The following ANKS1A variants were observed in gnomAD, a reference collection of about 807,000 sequenced individuals.
ANKS1A encodes ankyrin repeat and sterile alpha motif domain containing 1A.
Under a neutral mutation model 120.3 loss-of-function variants are expected in ANKS1A, and 55 were observed. The ratio of observed to expected loss-of-function variants is 0.46; its 90% CI spans 0.37 to 0.57. ANKS1A has a LOEUF of 0.57. Ranked by LOEUF, ANKS1A falls within the 20% of genes least tolerant of loss-of-function variation. The pLI is 0.00. For missense variants in ANKS1A, 1,123 were observed against 1,480.3 expected, an observed-to-expected ratio of 0.76 and a Z score of 3.96; for synonymous variants, 590 against 604.7, an observed-to-expected ratio of 0.98 and a Z score of 0.36.
chr6:34,982,982 C>T lies in ANKS1A; in HGVS notation c.809-131C>T. The T allele has an allele frequency of 8.1e-7, 1 of 1,240,902 alleles. No individual in the cohort carries two copies. Among genetic ancestry groups the T allele is most frequent in the South Asian group, 1.3e-5 (1 of 78,498 alleles). The allele number at this position is 1,240,902 out of a possible 1,614,324, so 76.9% of individuals were successfully genotyped here. On this transcript the variant is annotated intron_variant, in intron 5 of 23. Transcript: ENST00000360359. The surrounding 1 kb of genome is among the most constrained non-coding windows in gnomAD (Gnocchi z 4.9). ...AAGTGTGTAAACTGTTCTTGAATAG[C>T]TGGATTAAATGGCTCTGGATGAAAA...
chr6:35,085,696 G>A lies in ANKS1A; in HGVS notation c.3133-70G>A, dbSNP rs947439017. 20 of 1,480,202 alleles carry A rather than the reference G, an allele frequency of 1.4e-5. No individual in the cohort carries two copies. The highest frequency in any genetic ancestry group is 4.7e-5 in the East Asian group (2 of 42,452). The allele number at this position is 1,480,202 out of a possible 1,614,324, so 91.7% of individuals were successfully genotyped here. A position where few individuals can be genotyped will look rare whatever the true frequency, so the allele number is the denominator to read the frequency against. On this transcript the variant is annotated intron_variant, in intron 21 of 23. Transcript: ENST00000360359. The surrounding 1 kb of genome is among the most constrained non-coding windows in gnomAD (Gnocchi z 4.7). ...TTAGAGGGGGACACATGGTCCCTGC[G>A]AGGAAGGGCATATCCAGTGTGAAGC...
At chr6:35,028,796 G>A (rs1774756149) in intron 11 of ANKS1A, among the ~76,000 whole-genome samples, 1 of 152,078 alleles carries the variant, frequency 6.6e-6, no homozygotes, top group African/African-American at 2.4e-5. Flanking sequence ...AATATTCCAT[G>A]GTGTGCATAT....
chr6:35,065,730 G>A (rs1353126647), intron 13 of ANKS1A, among the ~76,000 whole-genome samples: 1 of 152,244 alleles, frequency 6.6e-6, no homozygotes, highest in Non-Finnish European at 1.5e-5. Context: ...CTGGGTGAGT[G>A]CATCACCCCT....
intron 11 of ANKS1A, among the ~76,000 whole-genome samples, chr6:35,029,693 C>T (rs959900060): frequency 1.3e-5 from 2 of 149,348 alleles, no homozygotes; most frequent in African/African-American, 2.4e-5. Context: ...TTTCCTTACT[C>T]TAAGATTACA....
intron 1 of ANKS1A, among the ~76,000 whole-genome samples, chr6:34,944,605 G>A (rs1170688251): frequency 6.6e-6 from 1 of 152,008 alleles, no homozygotes; most frequent in African/African-American, 2.4e-5. Context: ...GTATCCGTGG[G>A]GGACTGGTTC....
intron 11 of ANKS1A, among the ~76,000 whole-genome samples, chr6:35,042,327 T>G (rs1009344098): frequency 5.3e-5 from 8 of 152,194 alleles, no homozygotes; most frequent in African/African-American, 1.7e-4. Flanking sequence ...TTAGCCACCA[T>G]GTCTCCCCCC....
chr6:34,950,188 C>G (rs900991698), intron 1 of ANKS1A, among the ~76,000 whole-genome samples: 41 of 144,708 alleles, frequency 2.8e-4, no homozygotes, highest in Admixed American at 2.3e-3. Context: ...TTAAAACAAA[C>G]AAAAAAGGTA....
Position 35,079,545 on chromosome 6 carries a change from C to G in ANKS1A, c.2313C>G (p.Ser771Arg). The change falls in exon 15 of 24, where the codon AGC becomes AGG. Residue 771 changes from serine (S) to arginine (R), a missense_variant. Around this residue, in one of 3 missense-constraint regions of ANKS1A, gnomAD observed 904 missense variants for 1,130.4 expected, o/e 0.80. Coordinates refer to ENST00000360359, the MANE Select transcript of ANKS1A (RefSeq NM_015245.3). The part of the protein sequence containing the change: ...KVKALGYDGN[S>R]PPSVPSWLDS... ...AGGCTCTGGGTTATGACGGGAACAG[C>G]CCCCCTAGCGTGCCCTCCTGGCTGG... The G allele has an allele frequency of 1.2e-6, 2 of 1,613,734 alleles. No homozygotes were observed. Among genetic ancestry groups the G allele is most frequent in the Non-Finnish European group, 1.7e-6 (2 of 1,179,764 alleles).
chr6:35,078,800 C>T (rs1276443476), intron 14 of ANKS1A, 144 bp downstream of exon 14: 9 of 726,388 alleles, frequency 1.2e-5, no homozygotes, highest in South Asian at 5.3e-5. Flanking sequence ...CTAGGAGCTC[C>T]GGAAGGGCCG....
chr6:35,058,350 T>G lies in ANKS1A; in HGVS notation c.2078-1797T>G, dbSNP rs1776313976. The G allele has an allele frequency of 6.6e-6, 1 of 152,176 alleles. No individual in the cohort carries two copies. The highest frequency in any genetic ancestry group is 6.5e-5 in the Admixed American group (1 of 15,280). 9.4% of individuals were successfully genotyped at this position (152,176 alleles called of 1,614,324 possible). On this transcript the variant is annotated intron_variant, in intron 12 of 23. Transcript: ENST00000360359. The surrounding 1 kb of genome is among the most constrained non-coding windows in gnomAD (Gnocchi z 5.1). ...CTGGGGGATTACAAGCAAGAATGAA[T>G]CAGCACCCGGGGACACTTGACTTCA...
At position 35,091,135 on chromosome 6, in the gene ANKS1A, A is replaced by T; in HGVS notation, c.*2526A>T. The T allele has an allele frequency of 1.0e-6, 1 of 985,868 alleles. No individual in the cohort carries two copies. The highest frequency in any genetic ancestry group is 1.7e-5 in the African/African-American group (1 of 57,362). 61.1% of individuals were successfully genotyped at this position (985,868 alleles called of 1,614,324 possible). On this transcript the variant is annotated 3_prime_UTR_variant, in exon 24 of 24. Transcript: ENST00000360359. ...TGGCAATGGACTGAACTGTAATGAAAATGTTATTTAATCTTTGTCTCTGTA... is the reference window on the plus strand; with the variant it reads ...TGGCAATGGACTGAACTGTAATGAATATGTTATTTAATCTTTGTCTCTGTA...
At chr6:34,937,645 A>C (rs1769324656) in intron 1 of ANKS1A, among the ~76,000 whole-genome samples, 2 of 152,134 alleles carry the variant, frequency 1.3e-5, no homozygotes, top group Admixed American at 6.6e-5. Context: ...AATTTTGCTG[A>C]ATCAATGGGG....
At position 35,046,470 on chromosome 6, in the gene ANKS1A, TGAAA is replaced by T. The variant is rs1417349493; in HGVS notation, c.2011-7626_2011-7623del. ...TATTATCCTCTAAAAGATCTGATCCTGAAAGATTTTTCCAGTATTTCAGTATGAG... is the reference window on the plus strand; with the variant it reads ...TATTATCCTCTAAAAGATCTGATCCTGATTTTTCCAGTATTTCAGTATGAG... On this transcript the variant is annotated intron_variant, in intron 11 of 23. Transcript: ENST00000360359. Among the ~76,000 whole-genome samples the T allele has an allele frequency of 1.6e-4, 25 of 152,380 alleles. No individual in the cohort carries two copies. In the East Asian group the frequency reaches 4.8e-3, roughly 29 times the overall value.
chr6:34,967,584 G>GCTAC (rs1770965373), intron 2 of ANKS1A, among the ~76,000 whole-genome samples: 2 of 151,578 alleles, frequency 1.3e-5, no homozygotes, highest in African/African-American at 4.9e-5. Flanking sequence ...TGAAGTCCTA[G>GCTAC]CTACTCAGGA....
chr6:34,934,440 G>A (rs546046479), intron 1 of ANKS1A, among the ~76,000 whole-genome samples: 43 of 152,286 alleles, frequency 2.8e-4, no homozygotes, highest in African/African-American at 7.7e-4. Flanking sequence ...GAGCCACCAC[G>A]CCCAGCCACC....
intron 1 of ANKS1A, among the ~76,000 whole-genome samples, chr6:34,922,016 CTTTT>C (rs558428378): frequency 5.2e-5 from 7 of 133,588 alleles, no homozygotes; most frequent in Non-Finnish European, 4.8e-5. Context: ...AATTGACTTC[CTTTT>C]TTTTTTTTTT....
intron 1 of ANKS1A, among the ~76,000 whole-genome samples, chr6:34,914,981 G>T (rs1301950361): frequency 1.3e-5 from 2 of 152,108 alleles, no homozygotes; most frequent in Non-Finnish European, 2.9e-5. Flanking sequence ...TGAGGTGATT[G>T]TTCCACCTTG....
At chr6:34,965,646 C>T (rs1259770650) in intron 1 of ANKS1A, among the ~76,000 whole-genome samples, 2 of 152,118 alleles carry the variant, frequency 1.3e-5, no homozygotes, top group Admixed American at 6.6e-5. Context: ...CCACCGTACC[C>T]GGCCAAAATT....
At chr6:34,999,577 T>TA (rs1435214548) in intron 10 of ANKS1A, among the ~76,000 whole-genome samples, 1 of 152,188 alleles carries the variant, frequency 6.6e-6, no homozygotes, top group Non-Finnish European at 1.5e-5. Flanking sequence ...ATTACGGTGT[T>TA]ACTATGACAC....
Sources: allele counts gnomAD v4.1 joint callset (sites outside exome capture counted in the v4.1 genomes callset), GRCh38; gene constraint gnomAD v4.1.1; regional missense constraint gnomAD v4.1.1; non-coding constraint Gnocchi (gnomAD v3.1); transcripts MANE v1.5; gene names NCBI Gene and HGNC (gene_info 2026-07-23, HGNC 2026-07-21).